CHRNA7: variants seen among roughly 807,000 people sequenced by gnomAD.
CHRNA7 encodes neuronal acetylcholine receptor subunit alpha-7.
Under a neutral mutation model 48.0 loss-of-function variants are expected in CHRNA7, and 17 were observed. The ratio of observed to expected loss-of-function variants is 0.35; its 90% CI spans 0.24 to 0.53. The LOEUF is 0.53. CHRNA7 is among the 20% of genes least tolerant of loss of function. CHRNA7 has a pLI of 0.92. For missense variants in CHRNA7, 155 were observed against 577.7 expected (o/e 0.27, Z 7.50); for synonymous variants, 75 against 242.3 (o/e 0.31, Z 6.41).
At chr15:32,135,916 G>A (rs186154351) in intron 4 of CHRNA7, among the ~76,000 whole-genome samples, 5 of 152,228 alleles carry the variant, frequency 3.3e-5, no homozygotes, top group Admixed American at 2.0e-4. Flanking sequence ...AAAAATAAAC[G>A]AAAATAACGT....
chr15:32,073,903 T>A (rs1161656329), intron 2 of CHRNA7, among the ~76,000 whole-genome samples: 2 of 152,158 alleles, frequency 1.3e-5, no homozygotes, highest in African/African-American at 4.8e-5. Context: ...CTTTCCTTTA[T>A]AAATTACCCA....
intron 2 of CHRNA7, among the ~76,000 whole-genome samples, chr15:32,047,196 A>C (rs1254740867): frequency 1.4e-5 from 2 of 138,566 alleles, no homozygotes; most frequent in African/African-American, 5.7e-5. Context: ...AGTTTTTTCC[A>C]ATTCTGTGAA....
At chr15:32,132,266 TG>T (rs957991486) in intron 4 of CHRNA7, among the ~76,000 whole-genome samples, 10 of 152,124 alleles carry the variant, frequency 6.6e-5, no homozygotes, top group African/African-American at 2.2e-4. Context: ...CTGTACCTGT[TG>T]GGGTTTTTTT....
chr15:32,039,005 T>A (rs757151769), intron 2 of CHRNA7, among the ~76,000 whole-genome samples: 1 of 152,210 alleles, frequency 6.6e-6, no homozygotes, highest in Non-Finnish European at 1.5e-5. Context: ...ATTTTGTCTT[T>A]CAAGGAGTAG....
chr15:32,038,238 T>C (rs1595372144), intron 2 of CHRNA7, among the ~76,000 whole-genome samples: 1 of 149,440 alleles, frequency 6.7e-6, no homozygotes, highest in East Asian at 1.9e-4. Context: ...AATATGTATA[T>C]ACACACATAT....
chr15:32,104,841 C>G (rs1014207871), intron 3 of CHRNA7, among the ~76,000 whole-genome samples: 2 of 152,156 alleles, frequency 1.3e-5, no homozygotes, highest in Admixed American at 1.3e-4. Flanking sequence ...TGGACGTTTG[C>G]CATGCCCTCT....
chr15:32,129,187 T>G (rs965598759), intron 4 of CHRNA7, among the ~76,000 whole-genome samples: 6 of 151,892 alleles, frequency 4.0e-5, no homozygotes, highest in Admixed American at 3.9e-4. Context: ...TTATGTATAT[T>G]TATGAGAGAA....
chr15:32,055,290 G>A (rs531058149), intron 2 of CHRNA7, among the ~76,000 whole-genome samples: 1 of 150,050 alleles, frequency 6.7e-6, no homozygotes, highest in South Asian at 2.1e-4. Flanking sequence ...GAGTTTTTCT[G>A]TATTACAGAT....
chr15:32,067,783 G>T (rs1323381710), intron 2 of CHRNA7, among the ~76,000 whole-genome samples: 1 of 152,180 alleles, frequency 6.6e-6, no homozygotes, highest in African/African-American at 2.4e-5. Context: ...TATACAGGGG[G>T]AAAGTTTTTG....
At chr15:32,144,890 A>C (rs2051455630) in intron 4 of CHRNA7, among the ~76,000 whole-genome samples, 1 of 151,998 alleles carries the variant, frequency 6.6e-6, no homozygotes, top group South Asian at 2.1e-4. Flanking sequence ...GAAGTTTCTT[A>C]TTGCCGACCT....
At chr15:32,119,325 A>G (rs1207113692) in intron 4 of CHRNA7, among the ~76,000 whole-genome samples, 1 of 152,226 alleles carries the variant, frequency 6.6e-6, no homozygotes, top group Non-Finnish European at 1.5e-5. Context: ...TTCATTAATG[A>G]CTTAAGTAGT....
rs569441990 is a variant in CHRNA7 at position 32,140,594 on chromosome 15, CTTTT to C, written c.351-13311_351-13308del. On this transcript the variant is annotated intron_variant, in intron 4 of 9. Transcript: ENST00000306901. ...CTCTCTAGCATCTGTTGTTTCCTGA[CTTTT>C]TAATGATTGCCATTCTAACTGGTGT... is the stretch of plus-strand genomic sequence containing the variant. Among the ~76,000 whole-genome samples the C allele has an allele frequency of 2.7e-4, 41 of 152,284 alleles. 2 individuals are homozygous for C. The South Asian group carries it at 8.5e-3, about 32-fold the overall frequency.
chr15:32,097,811 C>T (rs2050497828), intron 2 of CHRNA7, among the ~76,000 whole-genome samples: 1 of 152,168 alleles, frequency 6.6e-6, no homozygotes, highest in Non-Finnish European at 1.5e-5. Flanking sequence ...GGGTGGCCTC[C>T]AACTTGGGAG....
intron 4 of CHRNA7, chr15:32,112,152 T>C: frequency 1.6e-6 from 1 of 612,832 alleles, no homozygotes; most frequent in Non-Finnish European, 3.0e-6. Flanking sequence ...AAGTTGTATG[T>C]TCTCGGGGCC....
At chr15:32,064,188 C>T in intron 2 of CHRNA7, among the ~76,000 whole-genome samples, 1 of 152,112 alleles carries the variant, frequency 6.6e-6, no homozygotes, top group East Asian at 1.9e-4. Flanking sequence ...TGCCGTTGCT[C>T]TGTTATAGTA....
intron 4 of CHRNA7, among the ~76,000 whole-genome samples, chr15:32,137,051 A>AAAAAAAAAG (rs2051280884): frequency 6.7e-6 from 1 of 149,874 alleles, no homozygotes; most frequent in Non-Finnish European, 1.5e-5. Flanking sequence ...AAAAAAGAAA[A>AAAAAAAAAG]AAAAAAGAAA....
chr15:32,062,223 C>A (rs1010784443), intron 2 of CHRNA7, among the ~76,000 whole-genome samples: 2 of 152,148 alleles, frequency 1.3e-5, no homozygotes, highest in Non-Finnish European at 2.9e-5. Context: ...GGACTTAGTT[C>A]TCTGTTCACT....
At chr15:32,106,856 C>T (rs1052295843) in intron 3 of CHRNA7, among the ~76,000 whole-genome samples, 9 of 152,166 alleles carry the variant, frequency 5.9e-5, no homozygotes, top group African/African-American at 1.9e-4. Context: ...AGATTTTAAG[C>T]TGTTATTTTT....
chr15:32,082,981 C>T (rs1310342666), intron 2 of CHRNA7, among the ~76,000 whole-genome samples: 4 of 152,126 alleles, frequency 2.6e-5, no homozygotes, highest in African/African-American at 9.7e-5. Context: ...ACTAAAAATA[C>T]AAAAATCAGC....
Sources: allele counts gnomAD v4.1 joint callset (sites outside exome capture counted in the v4.1 genomes callset), GRCh38; gene constraint gnomAD v4.1.1; transcripts MANE v1.5; gene names NCBI Gene and HGNC (gene_info 2026-07-23, HGNC 2026-07-21).